Variants in CTNNA2 observed in about 807,000 individuals in gnomAD.
CTNNA2 encodes the protein catenin alpha 2.
CTNNA2 carries 42 observed loss-of-function variants against 101.0 expected under a neutral mutation model. That is an observed-to-expected ratio of 0.42 (90% CI 0.32 to 0.54). CTNNA2 has a LOEUF of 0.54. CTNNA2 is among the 20% of genes least tolerant of loss of function. CTNNA2 has a pLI of 0.14. For synonymous variants in CTNNA2, 450 were observed against 456.4 expected, an observed-to-expected ratio of 0.99 and a Z score of 0.18; for missense variants, 871 against 1,223.1, an observed-to-expected ratio of 0.71 and a Z score of 4.29.
intron 3 of CTNNA2, among the ~76,000 whole-genome samples, chr2:79,827,477 A>G (rs1013377082): frequency 2.6e-5 from 4 of 152,230 alleles, no homozygotes; most frequent in Non-Finnish European, 1.5e-5. Flanking sequence ...GGGAGCAGGG[A>G]GTCACTTATT....
intron 4 of CTNNA2, among the ~76,000 whole-genome samples, chr2:79,439,915 A>G (rs1038688701): frequency 2.0e-5 from 3 of 152,184 alleles, no homozygotes; most frequent in Admixed American, 2.0e-4. Context: ...CTCATCCTGA[A>G]TGACTCTTTC....
intron 1 of CTNNA2, among the ~76,000 whole-genome samples, chr2:79,578,547 T>C (rs1288982432): frequency 6.6e-6 from 1 of 152,214 alleles, no homozygotes; most frequent in Non-Finnish European, 1.5e-5. Context: ...ATTTAGAATA[T>C]ATTTTTTTCT....
intron 3 of CTNNA2, among the ~76,000 whole-genome samples, chr2:79,746,691 G>T (rs911731905): frequency 3.9e-5 from 6 of 152,062 alleles, no homozygotes; most frequent in African/African-American, 1.4e-4. Flanking sequence ...ATGCCCCAGG[G>T]CCTTTATATA....
chr2:79,914,539 G>C (rs948473109), intron 7 of CTNNA2, among the ~76,000 whole-genome samples: 1 of 152,116 alleles, frequency 6.6e-6, no homozygotes, highest in African/African-American at 2.4e-5. Flanking sequence ...TTGTGCTGCT[G>C]TACAACCTGT....
chr2:79,285,046 G>C (rs200554881), intron 2 of CTNNA2, among the ~76,000 whole-genome samples: 1 of 137,038 alleles, frequency 7.3e-6, no homozygotes, highest in Non-Finnish European at 1.6e-5. Flanking sequence ...GTTTATTTGC[G>C]TAGAGGTGTT....
chr2:80,051,208 T>G (rs1015302440), intron 7 of CTNNA2, among the ~76,000 whole-genome samples: 1 of 152,232 alleles, frequency 6.6e-6, no homozygotes, highest in Non-Finnish European at 1.5e-5. Flanking sequence ...CTGGTAATTA[T>G]TCCTCTAGTC....
At chr2:79,958,521 G>A (rs1689400801) in intron 7 of CTNNA2, among the ~76,000 whole-genome samples, 1 of 152,042 alleles carries the variant, frequency 6.6e-6, no homozygotes, top group South Asian at 2.1e-4. Context: ...ATGGAGGAAG[G>A]GACCATGAGC....
At chr2:79,468,027 A>G in intron 4 of CTNNA2, among the ~76,000 whole-genome samples, 1 of 152,176 alleles carries the variant, frequency 6.6e-6, no homozygotes, top group Non-Finnish European at 1.5e-5. Flanking sequence ...CACACATAAC[A>G]ATATTAACCT....
chr2:79,925,709 T>G (rs556574104), intron 7 of CTNNA2, among the ~76,000 whole-genome samples: 12 of 152,198 alleles, frequency 7.9e-5, no homozygotes, highest in African/African-American at 2.4e-4. Flanking sequence ...GGAATGAGTG[T>G]GACTCTTAGT....
chr2:79,281,187 C>A (rs1018832894), intron 2 of CTNNA2, among the ~76,000 whole-genome samples: 60 of 152,126 alleles, frequency 3.9e-4, no homozygotes, highest in Middle Eastern at 3.4e-3. Context: ...GACTATCAGT[C>A]AGATGCCCTG....
intron 2 of CTNNA2, among the ~76,000 whole-genome samples, chr2:79,278,754 G>C (rs1469113710): frequency 1.3e-5 from 2 of 152,128 alleles, no homozygotes; most frequent in Admixed American, 6.5e-5. Flanking sequence ...GCTAATAATG[G>C]AGAGTGTCAG....
At chr2:79,616,119 G>T (rs1216773182) in intron 1 of CTNNA2, among the ~76,000 whole-genome samples, 1 of 152,126 alleles carries the variant, frequency 6.6e-6, no homozygotes. Context: ...TTACTATCTG[G>T]CCATTTGCAG....
At chr2:79,537,130 C>T (rs1673122254) in intron 1 of CTNNA2, among the ~76,000 whole-genome samples, 1 of 152,080 alleles carries the variant, frequency 6.6e-6, no homozygotes, top group Admixed American at 6.5e-5. Context: ...GCTTAAACCA[C>T]CCCCCATTGA....
intron 7 of CTNNA2, among the ~76,000 whole-genome samples, chr2:80,331,848 C>A (rs1176787090): frequency 2.0e-5 from 3 of 152,108 alleles, no homozygotes; most frequent in African/African-American, 7.2e-5. Context: ...ATTGTCATAA[C>A]TTACACCTTG....
intron 3 of CTNNA2, among the ~76,000 whole-genome samples, chr2:79,360,079 G>A (rs2104446042): frequency 6.6e-6 from 1 of 152,154 alleles, no homozygotes; most frequent in East Asian, 1.9e-4. Context: ...TAATTTTTAA[G>A]AGAGTCAAGG....
intron 7 of CTNNA2, among the ~76,000 whole-genome samples, chr2:80,097,813 A>G (rs962755546): frequency 3.3e-5 from 5 of 152,136 alleles, no homozygotes; most frequent in Non-Finnish European, 5.9e-5. Context: ...ACTGAGGCTT[A>G]TGCATTCGTC....
rs760971511 is a variant in CTNNA2, at chr2:79,543,420, G to A, written c.-6+30213G>A. ...TTAAGAAGATTAATATGTAAATTTAGTGTTACCTTAATTCAAATATTTCTT... is the reference window on the plus strand; with the variant it reads ...TTAAGAAGATTAATATGTAAATTTAATGTTACCTTAATTCAAATATTTCTT... On this transcript the variant is annotated intron_variant, in intron 1 of 18. Transcript: ENST00000402739. Among the ~76,000 whole-genome samples, 14 of 152,234 alleles carry A rather than the reference G, an allele frequency of 9.2e-5. 1 individual carries two copies. The highest frequency in any genetic ancestry group is 6.2e-4 in the South Asian group (3 of 4,826).
chr2:79,375,100 C>G (rs1177092856), intron 4 of CTNNA2, among the ~76,000 whole-genome samples: 3 of 152,098 alleles, frequency 2.0e-5, no homozygotes, highest in Non-Finnish European at 4.4e-5. Context: ...GTTGTTGGGT[C>G]TCATTTTGAA....
chr2:80,062,114 C>A (rs528687483), intron 7 of CTNNA2, among the ~76,000 whole-genome samples: 1 of 152,162 alleles, frequency 6.6e-6, no homozygotes, highest in South Asian at 2.1e-4. Context: ...AGATAAGCAT[C>A]AGTTTGGGTT....
Sources: allele counts gnomAD v4.1 joint callset (sites outside exome capture counted in the v4.1 genomes callset), GRCh38; gene constraint gnomAD v4.1.1; transcripts MANE v1.5; gene names NCBI Gene and HGNC (gene_info 2026-07-23, HGNC 2026-07-21).